The following DRGX variants were observed in gnomAD, a reference collection of about 807,000 sequenced individuals.
The protein encoded by DRGX is dorsal root ganglia homeobox protein.
Under a neutral mutation model 28.6 loss-of-function variants are expected in DRGX, and 21 were observed. The ratio of observed to expected loss-of-function variants is 0.73; its 90% CI spans 0.52 to 1.06. The LOEUF is 1.06. Among genes scored for constraint, DRGX ranks in the 50% least tolerant of loss-of-function variants. The pLI is 0.00. For missense variants in DRGX, 354 were observed against 343.9 expected (o/e 1.03, Z -0.23); for synonymous variants, 136 against 139.1 (o/e 0.98, Z 0.16).
intron 6 of DRGX, among the ~76,000 whole-genome samples, chr10:49,385,795 C>T (rs772037966): frequency 1.1e-4 from 16 of 152,210 alleles, no homozygotes; most frequent in Non-Finnish European, 1.8e-4. Context: ...CCCAGACGCA[C>T]GCTGGGGCCC....
intron 6 of DRGX, among the ~76,000 whole-genome samples, chr10:49,367,091 C>T (rs1381612775): frequency 6.6e-6 from 1 of 152,228 alleles, no homozygotes; most frequent in African/African-American, 2.4e-5. Context: ...TACAGTGGCT[C>T]ACACCTACAA....
In DRGX at chr10:49,364,354, T is replaced by G. The variant is rs1299451246; in HGVS notation, c.*1762A>C. 1.3e-5 allele frequency: 2 copies of G among 152,254 alleles called. No individual in the cohort carries two copies. Among genetic ancestry groups the G allele is most frequent in the African/African-American group, 4.8e-5 (2 of 41,474 alleles). 9.4% of individuals were successfully genotyped at this position (152,254 alleles called of 1,614,324 possible). On this transcript the variant is annotated 3_prime_UTR_variant, in exon 7 of 7. Transcript: ENST00000374139. ...TGTGTGTGTAGTTTACTTAATTGTG[T>G]TATTGACGATCAAAAGTAATTTCCT...
chr10:49,391,309 T>G, intron 2 of DRGX, 48 bp from the exon 3 acceptor site: 5 of 1,519,906 alleles, frequency 3.3e-6, no homozygotes, highest in Non-Finnish European at 4.5e-6. Flanking sequence ...GCCCCAGTCC[T>G]CAGACCGCCC....
intron 4 of DRGX, among the ~76,000 whole-genome samples, chr10:49,387,646 C>G (rs960606510): frequency 4.3e-4 from 59 of 137,778 alleles, no homozygotes; most frequent in African/African-American, 1.5e-3. Flanking sequence ...CTGGGTGACA[C>G]AGTGAGACTC....
At chr10:49,383,841 A>G (rs1169354479) in intron 6 of DRGX, among the ~76,000 whole-genome samples, 4 of 152,386 alleles carry the variant, frequency 2.6e-5, no homozygotes, top group South Asian at 2.1e-4. Context: ...TCCTGCCTCC[A>G]GCACTGTGAG....
intron 6 of DRGX, among the ~76,000 whole-genome samples, chr10:49,374,564 A>T (rs981615463): frequency 1.3e-5 from 2 of 152,210 alleles, no homozygotes; most frequent in African/African-American, 2.4e-5. Context: ...AAATTAAAAC[A>T]CACAATTTGA....
At chr10:49,383,318 A>C (rs1231620699) in intron 6 of DRGX, among the ~76,000 whole-genome samples, 1 of 152,104 alleles carries the variant, frequency 6.6e-6, no homozygotes, top group Non-Finnish European at 1.5e-5. Context: ...CCTTTCCAAC[A>C]TGACTTAGCT....
At chr10:49,392,838 C>A (rs750044778) in intron 2 of DRGX, among the ~76,000 whole-genome samples, 2 of 152,038 alleles carry the variant, frequency 1.3e-5, no homozygotes, top group Non-Finnish European at 2.9e-5. Flanking sequence ...AAATGCTAAA[C>A]CTTGAGGATA....
At chr10:49,378,200 T>C (rs2132475906) in intron 6 of DRGX, among the ~76,000 whole-genome samples, 1 of 152,168 alleles carries the variant, frequency 6.6e-6, no homozygotes, top group South Asian at 2.1e-4. Context: ...TAAGATAAAA[T>C]TCTTAGAAAA....
intron 2 of DRGX, 25 bp from the exon 3 acceptor site, chr10:49,391,286 TGGGCAGGAAG>T (rs769685382): frequency 1.2e-5 from 19 of 1,601,074 alleles, no homozygotes; most frequent in Non-Finnish European, 1.5e-5. Flanking sequence ...CTGATCAACC[TGGGCAGGAAG>T]GGGCCCCAGT....
chr10:49,394,989 G>A (rs1449401586), intron 2 of DRGX, among the ~76,000 whole-genome samples: 1 of 152,248 alleles, frequency 6.6e-6, no homozygotes, highest in Non-Finnish European at 1.5e-5. Flanking sequence ...GCCCTTGTAG[G>A]CTCGTGCAGC....
At chr10:49,389,319 C>T (rs1849873755) in intron 4 of DRGX, among the ~76,000 whole-genome samples, 1 of 152,164 alleles carries the variant, frequency 6.6e-6, no homozygotes, top group South Asian at 2.1e-4. Context: ...CGAAAGCAAA[C>T]TATTATATTT....
intron 6 of DRGX, among the ~76,000 whole-genome samples, chr10:49,368,998 A>G (rs906720209): frequency 6.6e-6 from 1 of 152,188 alleles, no homozygotes; most frequent in African/African-American, 2.4e-5. Context: ...GATGGGCTCA[A>G]TCCATCTCAG....
chr10:49,386,833 T>G lies in DRGX; in HGVS notation c.260A>C (p.Lys87Thr). 1 of 1,575,980 alleles carries G rather than the reference T, an allele frequency of 6.3e-7. No individual in the cohort carries two copies. Among genetic ancestry groups the G allele is most frequent in the Non-Finnish European group, 8.6e-7 (1 of 1,165,732 alleles). The stretch of plus-strand genomic sequence containing the variant: ...GGCCCCTCTCTCTGTCTTCCTCCAT[T>G]TGGCCCTTCTGTTCTGGAACCAAAC... ...VQVWFQNRRAKWRKTERGASD... is the reference protein window; with the variant it reads ...VQVWFQNRRATWRKTERGASD... The change falls in exon 5 of 7, where the codon AAA becomes ACA. Residue 87 changes from lysine (K) to threonine (T), a missense_variant. Coordinates refer to ENST00000374139, the MANE Select transcript of DRGX (RefSeq NM_001276451.2).
intron 4 of DRGX, among the ~76,000 whole-genome samples, chr10:49,389,678 G>T (rs995009154): frequency 3.3e-5 from 5 of 152,150 alleles, no homozygotes; most frequent in African/African-American, 9.7e-5. Context: ...TGTTGAAAGA[G>T]TCTGAGGGCA....
chr10:49,380,778 G>A (rs750262171), intron 6 of DRGX, among the ~76,000 whole-genome samples: 1 of 152,226 alleles, frequency 6.6e-6, no homozygotes, highest in Non-Finnish European at 1.5e-5. Flanking sequence ...AGGTTTTGGA[G>A]AAGGTACTTC....
At position 49,364,154 on chromosome 10, in the gene DRGX, A is replaced by G. The variant is rs1345607862; in HGVS notation, c.*1962T>C. On this transcript the variant is annotated 3_prime_UTR_variant, in exon 7 of 7. Transcript: ENST00000374139. ...TTACTTTTTGCCTTTGTACAACAAA[A>G]CAAAGTACTCAATATCTCTGCAGAG... 1 of 152,218 alleles carries G rather than the reference A, an allele frequency of 6.6e-6. No homozygotes were observed. The highest frequency in any genetic ancestry group is 1.5e-5 in the Non-Finnish European group (1 of 68,034). The allele number at this position is 152,218 out of a possible 1,614,324, so 9.4% of individuals were successfully genotyped here.
rs1454196168 is a variant in DRGX at position 49,395,988 on chromosome 10, C to T, written c.-135G>A. The T allele has an allele frequency of 6.6e-6, 1 of 152,608 alleles. No individual in the cohort carries two copies. Among genetic ancestry groups the T allele is most frequent in the Non-Finnish European group, 1.5e-5 (1 of 68,350 alleles). The allele number at this position is 152,608 out of a possible 1,614,324, so 9.5% of individuals were successfully genotyped here. ...AGCGTGACCGCCTCCGATCCGCAAG[C>T]CCTGCTCGGCTGGCGGCGGGCGGGG... On this transcript the variant is annotated 5_prime_UTR_variant, in exon 1 of 7. Transcript: ENST00000374139.
chr10:49,395,680 C>A (rs1849960895), intron 1 of DRGX, among the ~76,000 whole-genome samples, 159 bp from the exon 2 acceptor site: 1 of 152,230 alleles, frequency 6.6e-6, no homozygotes, highest in African/African-American at 2.4e-5. Flanking sequence ...TCGCAAGCAG[C>A]AACCCCACAG....
Sources: gnomAD v4.1 joint callset for allele counts (sites outside exome capture counted in the v4.1 genomes callset) on GRCh38, gnomAD v4.1.1 for gene constraint, MANE v1.5 for transcripts, NCBI Gene and HGNC (gene_info 2026-07-23, HGNC 2026-07-21) for gene names.